Variants in ZMYND11 observed in about 807,000 individuals in gnomAD.
ZMYND11 encodes the protein zinc finger MYND-type containing 11.
ZMYND11 carries 9 observed loss-of-function variants against 84.9 expected under a neutral mutation model. The ratio of observed to expected loss-of-function variants is 0.11; its 90% CI spans 0.06 to 0.18. The LOEUF (loss-of-function observed/expected upper bound fraction) is 0.18, where lower values mean the gene tolerates loss of function less well. ZMYND11 is among the 10% of genes least tolerant of loss of function. The probability of loss-of-function intolerance (pLI) is 1.00; values close to 1 mark genes in which losing one functional copy is unlikely to be tolerated. For missense variants in ZMYND11, 409 were observed against 761.0 expected (o/e 0.54, Z 5.44); for synonymous variants, 250 against 244.1 (o/e 1.02, Z -0.23).
chr10:233,134 A>G (rs1161807041), intron 4 of ZMYND11, among the ~76,000 whole-genome samples: 3 of 152,202 alleles, frequency 2.0e-5, no homozygotes, highest in African/African-American at 7.2e-5. Context: ...TTTTAGGACT[A>G]TGAATGCCTA....
chr10:217,118 T>G (rs575459956), intron 3 of ZMYND11, among the ~76,000 whole-genome samples: 421 of 17,538 alleles, frequency 0.024, 2 homozygotes, highest in Admixed American at 0.2. Context: ...GATTATACTT[T>G]AGAACACTAT....
intron 1 of ZMYND11, among the ~76,000 whole-genome samples, chr10:173,525 G>A (rs1845855557): frequency 1.3e-5 from 2 of 152,118 alleles, no homozygotes; most frequent in South Asian, 4.1e-4. Flanking sequence ...AGACCAACCT[G>A]GGTAACATAG....
At chr10:136,096 T>C (rs1240378296) in intron 1 of ZMYND11, among the ~76,000 whole-genome samples, 1 of 151,468 alleles carries the variant, frequency 6.6e-6, no homozygotes, top group Non-Finnish European at 1.5e-5. Flanking sequence ...GATTCGTCGG[T>C]CCCCCGGGGC....
At chr10:185,225 A>G (rs926658398) in intron 2 of ZMYND11, among the ~76,000 whole-genome samples, 1 of 151,958 alleles carries the variant, frequency 6.6e-6, no homozygotes, top group African/African-American at 2.4e-5. Context: ...TCTCTGTTCC[A>G]TTAGTATCTG....
intron 1 of ZMYND11, among the ~76,000 whole-genome samples, chr10:152,642 A>G (rs1454805532): frequency 6.6e-6 from 1 of 152,202 alleles, no homozygotes; most frequent in African/African-American, 2.4e-5. Context: ...TGTCAACATT[A>G]GACATATCAA....
At chr10:147,996 G>C (rs79743682) in intron 1 of ZMYND11, 1 of 152,258 alleles carries the variant, frequency 6.6e-6, no homozygotes. Context: ...CAGATCAACC[G>C]TCCTGGGGTT....
chr10:161,930 A>G (rs1270627219), intron 1 of ZMYND11, among the ~76,000 whole-genome samples: 1 of 152,202 alleles, frequency 6.6e-6, no homozygotes, highest in Non-Finnish European at 1.5e-5. Flanking sequence ...ATTTCCTTCA[A>G]GAACTTTACC....
rs190037195 is a variant in ZMYND11, at chr10:201,650, G to A, written c.117-8239G>A. Among the ~76,000 whole-genome samples the A allele has an allele frequency of 7.4e-4, 107 of 145,202 alleles. 1 individual carries two copies. The highest frequency in any genetic ancestry group is 2.5e-3 in the African/African-American group (100 of 39,616). On this transcript the variant is annotated intron_variant, in intron 2 of 14. Transcript: ENST00000381604. ...GTCTTGGAACTTTCAGAATGATCTCGGGGAGGGGATCATCTCAGGCCTGTG... is the reference window on the plus strand; with the variant it reads ...GTCTTGGAACTTTCAGAATGATCTCAGGGAGGGGATCATCTCAGGCCTGTG...
intron 4 of ZMYND11, among the ~76,000 whole-genome samples, chr10:223,694 A>G (rs942054057): frequency 6.6e-6 from 1 of 152,214 alleles, no homozygotes; most frequent in African/African-American, 2.4e-5. Context: ...ATTCAAGAAA[A>G]AGATAAGTAC....
At chr10:136,711 T>C (rs1836174130) in intron 1 of ZMYND11, among the ~76,000 whole-genome samples, 1 of 152,102 alleles carries the variant, frequency 6.6e-6, no homozygotes, top group Admixed American at 6.5e-5. Flanking sequence ...GTACCTGGTG[T>C]CATATATGCG....
intron 1 of ZMYND11, among the ~76,000 whole-genome samples, chr10:179,554 A>G (rs1847390060): frequency 6.6e-6 from 1 of 152,204 alleles, no homozygotes; most frequent in Non-Finnish European, 1.5e-5. Context: ...CTATGTATGT[A>G]TATAAAATTT....
chr10:152,658 CAG>C (rs1199710462), intron 1 of ZMYND11, among the ~76,000 whole-genome samples: 2 of 152,114 alleles, frequency 1.3e-5, no homozygotes, highest in African/African-American at 4.8e-5. Flanking sequence ...ATCAATGAAA[CAG>C]AAAGTCAACA....
chr10:209,019 G>GTA (rs1226983268), intron 2 of ZMYND11, among the ~76,000 whole-genome samples: 25 of 151,552 alleles, frequency 1.6e-4, no homozygotes, highest in East Asian at 1.5e-3. Flanking sequence ...GTGTGTGTGT[G>GTA]TATATATATA....
At chr10:151,689 C>A (rs1395151935) in intron 1 of ZMYND11, among the ~76,000 whole-genome samples, 2 of 152,156 alleles carry the variant, frequency 1.3e-5, no homozygotes, top group East Asian at 3.9e-4. Flanking sequence ...GGCAGGCCAA[C>A]ATTCAGATTC....
At chr10:238,915 CACAG>C (rs1950433198) in intron 6 of ZMYND11, among the ~76,000 whole-genome samples, 1 of 152,184 alleles carries the variant, frequency 6.6e-6, no homozygotes, top group Admixed American at 6.5e-5. Flanking sequence ...TAAGATTTGT[CACAG>C]ACAGGGACAC....
At chr10:150,167 G>T (rs1243334272) in intron 1 of ZMYND11, among the ~76,000 whole-genome samples, 1 of 152,154 alleles carries the variant, frequency 6.6e-6, no homozygotes, top group Non-Finnish European at 1.5e-5. Flanking sequence ...GTATTGATTG[G>T]AATAGTTTCA....
intron 2 of ZMYND11, among the ~76,000 whole-genome samples, chr10:190,074 AG>A (rs1455497126): frequency 6.6e-6 from 1 of 152,166 alleles, no homozygotes; most frequent in African/African-American, 2.4e-5. Flanking sequence ...CTGTAGCGAG[AG>A]GGGAATAGCA....
intron 10 of ZMYND11, among the ~76,000 whole-genome samples, chr10:242,776 G>A (rs894033553): frequency 2.0e-5 from 3 of 152,180 alleles, no homozygotes; most frequent in African/African-American, 7.2e-5. Context: ...TACACAATGA[G>A]GGACCTTACT....
chr10:199,584 C>T (rs558960852), intron 2 of ZMYND11, among the ~76,000 whole-genome samples: 195 of 151,792 alleles, frequency 1.3e-3, no homozygotes, highest in African/African-American at 4.2e-3. Context: ...TGCATGCCAC[C>T]GTGCTTGGCT....
Sources: gnomAD v4.1 joint callset for allele counts (sites outside exome capture counted in the v4.1 genomes callset) on GRCh38, gnomAD v4.1.1 for gene constraint, MANE v1.5 for transcripts, NCBI Gene and HGNC (gene_info 2026-07-23, HGNC 2026-07-21) for gene names.